TANC2: variants seen among roughly 807,000 people sequenced by gnomAD.
The protein encoded by TANC2 is tetratricopeptide repeat, ankyrin repeat and coiled-coil containing 2.
A neutral mutation model predicts 210.5 loss-of-function variants in TANC2; 26 were observed. The observed-to-expected ratio is 0.12, with a 90% CI of 0.09 to 0.17. The LOEUF (loss-of-function observed/expected upper bound fraction) is 0.17. Ranked by LOEUF, TANC2 falls within the 10% of genes least tolerant of loss-of-function variation. The pLI is 1.00. For missense variants in TANC2, 2,129 were observed against 2,608.9 expected (o/e 0.82, Z 4.01); for synonymous variants, 931 against 967.1 (o/e 0.96, Z 0.69).
chr17:63,243,216 T>C (rs1486039012), intron 8 of TANC2, among the ~76,000 whole-genome samples: 3 of 152,184 alleles, frequency 2.0e-5, no homozygotes, highest in African/African-American at 7.2e-5. Context: ...CACAAGGAAA[T>C]GCTGCAATTG....
At chr17:63,343,442 A>G (rs1252712587) in intron 12 of TANC2, among the ~76,000 whole-genome samples, 1 of 152,252 alleles carries the variant, frequency 6.6e-6, no homozygotes, top group Non-Finnish European at 1.5e-5. Context: ...AATCAAAAAT[A>G]GACCAAATTA....
chr17:63,172,449 T>A (rs2040437702), intron 5 of TANC2, among the ~76,000 whole-genome samples: 1 of 152,096 alleles, frequency 6.6e-6, no homozygotes, highest in Non-Finnish European at 1.5e-5. Context: ...TCCAAGGTAC[T>A]GGGATTACAG....
chr17:63,355,834 C>A (rs2046765477), intron 14 of TANC2, among the ~76,000 whole-genome samples: 1 of 152,220 alleles, frequency 6.6e-6, no homozygotes, highest in Middle Eastern at 3.4e-3. Flanking sequence ...TGACTAAATC[C>A]ATTAAAGTCC....
At chr17:63,289,052 G>A (rs1205038174) in intron 9 of TANC2, among the ~76,000 whole-genome samples, 2 of 152,098 alleles carry the variant, frequency 1.3e-5, no homozygotes, top group Non-Finnish European at 2.9e-5. Context: ...GAAGTCACAT[G>A]TAATTCTTAT....
chr17:63,000,757 T>G (rs1451863931), intron 1 of TANC2, among the ~76,000 whole-genome samples: 1 of 152,134 alleles, frequency 6.6e-6, no homozygotes, highest in Non-Finnish European at 1.5e-5. Flanking sequence ...AGGGTAAAAT[T>G]TAGATTTACA....
intron 7 of TANC2, among the ~76,000 whole-genome samples, chr17:63,232,439 G>T (rs969894778): frequency 2.0e-5 from 3 of 152,238 alleles, no homozygotes; most frequent in Non-Finnish European, 4.4e-5. Context: ...TGGGGTTTTT[G>T]TGGGGACATT....
At chr17:63,352,009 G>A (rs1432090451) in intron 13 of TANC2, among the ~76,000 whole-genome samples, 1 of 151,972 alleles carries the variant, frequency 6.6e-6, no homozygotes, top group African/African-American at 2.4e-5. Context: ...TAATGGCCTG[G>A]AATAAGGACC....
At chr17:63,007,071 T>A (rs1407638737) in intron 1 of TANC2, among the ~76,000 whole-genome samples, 1 of 146,878 alleles carries the variant, frequency 6.8e-6, no homozygotes, top group Non-Finnish European at 1.5e-5. Flanking sequence ...AAAAAAAAAA[T>A]GAGAAAAATT....
At chr17:63,322,767 T>C (rs187442196) in intron 11 of TANC2, among the ~76,000 whole-genome samples, 20 of 152,314 alleles carry the variant, frequency 1.3e-4, no homozygotes, top group African/African-American at 4.8e-4. Context: ...TTAATTCTCC[T>C]CACTTTCTTA....
intron 9 of TANC2, among the ~76,000 whole-genome samples, chr17:63,303,422 C>T (rs1249347640): frequency 6.6e-6 from 1 of 152,056 alleles, no homozygotes; most frequent in African/African-American, 2.4e-5. Context: ...GAATATTGGC[C>T]CCCACTGTCT....
At chr17:63,082,427 G>A (rs2036811928) in intron 3 of TANC2, among the ~76,000 whole-genome samples, 1 of 152,124 alleles carries the variant, frequency 6.6e-6, no homozygotes, top group Non-Finnish European at 1.5e-5. Flanking sequence ...TTTTCCTAGT[G>A]AAAGTTTGAA....
exon 4 of TANC2, chr17:63,099,180 A>G: frequency 6.2e-7 from 1 of 1,610,374 alleles, no homozygotes; most frequent in Non-Finnish European, 8.5e-7. Context: ...AACAGGTGGC[A>G]TCTCCACAGA....
intron 5 of TANC2, among the ~76,000 whole-genome samples, chr17:63,190,072 T>C (rs927919643): frequency 6.6e-6 from 1 of 152,210 alleles, no homozygotes; most frequent in Non-Finnish European, 1.5e-5. Context: ...TGGTGACTCA[T>C]GCCTGTAATT....
In TANC2 at chr17:63,106,704, C is replaced by T. The variant is rs1021451987; in HGVS notation, c.322+7347C>T. 2.6e-5 allele frequency among the ~76,000 whole-genome samples: 4 copies of T among 151,754 alleles called. 1 individual carries two copies. The highest frequency in any genetic ancestry group is 9.7e-5 in the African/African-American group (4 of 41,040). On this transcript the variant is annotated intron_variant, in intron 4 of 27. Coordinates refer to ENST00000689528, the Ensembl canonical transcript of TANC2. ...ACACCTAAAAGGCGGCATGAATTATCAAACAAATAATCCTTTTGTGATATT... is the reference window on the plus strand; with the variant it reads ...ACACCTAAAAGGCGGCATGAATTATTAAACAAATAATCCTTTTGTGATATT...
chr17:63,098,436 A>G (rs2037472216), intron 3 of TANC2, among the ~76,000 whole-genome samples: 1 of 26,966 alleles, frequency 3.7e-5, no homozygotes, highest in African/African-American at 2.8e-4. Context: ...TAGACTACAC[A>G]CACACACACA....
chr17:63,051,137 A>G (rs2035567057), intron 2 of TANC2, among the ~76,000 whole-genome samples: 1 of 152,220 alleles, frequency 6.6e-6, no homozygotes, highest in South Asian at 2.1e-4. Context: ...CATTTATAGC[A>G]TAAAGTTCAA....
At chr17:63,154,596 G>A (rs1178121389) in intron 5 of TANC2, 1 of 152,066 alleles carries the variant, frequency 6.6e-6, no homozygotes, top group African/African-American at 2.4e-5. Context: ...TGTAAAAATA[G>A]AGATGATAAT....
chr17:63,393,705 A>T (rs1290984706), intron 17 of TANC2: 2 of 152,032 alleles, frequency 1.3e-5, no homozygotes, highest in African/African-American at 4.8e-5. Context: ...GGTTCTTGTC[A>T]TACTTTTGTC....
intron 2 of TANC2, among the ~76,000 whole-genome samples, chr17:63,059,072 C>T (rs1173247602): frequency 6.6e-6 from 1 of 151,984 alleles, no homozygotes; most frequent in Non-Finnish European, 1.5e-5. Flanking sequence ...GATCCATGAG[C>T]CCGGGGTGTT....
Sources: allele counts gnomAD v4.1 joint callset (sites outside exome capture counted in the v4.1 genomes callset), GRCh38; gene constraint gnomAD v4.1.1; transcripts MANE v1.5; gene names NCBI Gene and HGNC (gene_info 2026-07-23, HGNC 2026-07-21).